Variants in SPATA31C1 observed in about 807,000 individuals in gnomAD.
SPATA31C1 encodes the protein spermatogenesis-associated protein 31C1.
rs548526723 is a variant in SPATA31C1 at position 87,920,415 on chromosome 9, C to G, written n.805C>G. ...CTCCCCGTTAGCTTCCCCGGATCCT[C>G]GAACCAAGCATCCTCAGGATCTGGC... On this transcript the variant is annotated non_coding_transcript_exon_variant, in exon 5 of 5. Coordinates refer to ENST00000420021, the Ensembl canonical transcript of SPATA31C1. 8.7e-6 allele frequency: 14 copies of G among 1,613,964 alleles called. No homozygotes were observed. The African/African-American group carries it at 9.3e-5, about 11-fold the overall frequency.
rs1207082657 is a variant in SPATA31C1 at position 87,921,297 on chromosome 9, G to C, written n.1687G>C. 2 of 1,611,874 alleles carry C rather than the reference G, an allele frequency of 1.2e-6. No homozygotes were observed. The highest frequency in any genetic ancestry group is 2.7e-5 in the African/African-American group (2 of 74,854). Reference sequence around the variant, plus strand: ...CTGGAGACAACTGGAGCAATACATGGGGCAACGTGGAAGGATCCAAGAGTC... The same window carrying C: ...CTGGAGACAACTGGAGCAATACATGCGGCAACGTGGAAGGATCCAAGAGTC... On this transcript the variant is annotated non_coding_transcript_exon_variant, in exon 5 of 5. Transcript: ENST00000420021.
exon 5 of SPATA31C1, chr9:87,920,258 G>A (rs775313165): frequency 1.4e-5 from 23 of 1,613,314 alleles, no homozygotes; most frequent in Admixed American, 3.3e-5. Context: ...GCAGCCTCCT[G>A]GGGCCACACC....
intron 1 of SPATA31C1, among the ~76,000 whole-genome samples, chr9:87,916,780 A>C (rs1192506152): frequency 1.1e-5 from 1 of 91,780 alleles, no homozygotes; most frequent in Non-Finnish European, 3.3e-5. Flanking sequence ...GGCGGATCAC[A>C]AGGTCAGGAG....
chr9:87,922,034 G>A, exon 5 of SPATA31C1: 2 of 1,613,924 alleles, frequency 1.2e-6, no homozygotes, highest in Non-Finnish European at 1.7e-6. Context: ...AAGTTGAGGT[G>A]GCCACGCTCC....
exon 5 of SPATA31C1, chr9:87,921,354 C>T (rs748652180): frequency 3.7e-6 from 6 of 1,611,858 alleles, no homozygotes; most frequent in Non-Finnish European, 4.2e-6. Context: ...GGATGAATTG[C>T]CAGGGACAAG....
chr9:87,915,462 C>A (rs1275947509), intron 1 of SPATA31C1, among the ~76,000 whole-genome samples: 6 of 145,124 alleles, frequency 4.1e-5, no homozygotes, highest in African/African-American at 1.5e-4. Flanking sequence ...CGCCACCACG[C>A]CTGGCTAATT....
In SPATA31C1 at chr9:87,922,695, G is replaced by A. The variant is rs534677490; in HGVS notation, n.3085G>A. 20 of 1,607,550 alleles carry A rather than the reference G, an allele frequency of 1.2e-5. No individual in the cohort carries two copies. In the African/African-American group the frequency reaches 2.4e-4, roughly 19 times the overall value. On this transcript the variant is annotated non_coding_transcript_exon_variant, in exon 5 of 5. Coordinates refer to ENST00000420021, the Ensembl canonical transcript of SPATA31C1. ...CCAGGAGCTATGTGACCTCATGTCA[G>A]CCAGAAGGAGTAACATGGGGCACAA... is the stretch of plus-strand genomic sequence containing the variant.
chr9:87,923,105 A>T (rs369542775), exon 5 of SPATA31C1: 89 of 1,603,112 alleles, frequency 5.6e-5, no homozygotes, highest in Non-Finnish European at 7.1e-5. Context: ...CAGCAGTTGG[A>T]CAGATACCGG....
At chr9:87,923,027 G>A in exon 5 of SPATA31C1, 1 of 1,594,152 alleles carries the variant, frequency 6.3e-7, no homozygotes, top group Non-Finnish European at 8.5e-7. Context: ...TCACTGCTGA[G>A]AGCCAAAAAA....
At chr9:87,922,617 C>T in exon 5 of SPATA31C1, 1 of 1,609,026 alleles carries the variant, frequency 6.2e-7, no homozygotes, top group Non-Finnish European at 8.5e-7. Flanking sequence ...TTTGGCTTCT[C>T]AAGTGCCCCA....
intron 2 of SPATA31C1, 147 bp from the exon 2 acceptor site, chr9:87,919,108 C>G: frequency 8.0e-7 from 1 of 1,254,706 alleles, no homozygotes; most frequent in Non-Finnish European, 1.1e-6. Flanking sequence ...GTTTATCATC[C>G]ATTTAAACAT....
At chr9:87,920,457 G>A (rs568708324) in exon 5 of SPATA31C1, 1 of 1,613,902 alleles carries the variant, frequency 6.2e-7, no homozygotes, top group African/African-American at 1.3e-5. Context: ...CCCACCACCA[G>A]GCCCAATGAC....
At chr9:87,919,649 CCTCT>C (rs1189879149) in intron 3 of SPATA31C1, among the ~76,000 whole-genome samples, 10 of 84,880 alleles carry the variant, frequency 1.2e-4, no homozygotes, top group African/African-American at 3.5e-4. Flanking sequence ...AAGGCTGATT[CCTCT>C]CTGAGACCAC....
exon 5 of SPATA31C1, chr9:87,923,229 T>C (rs1414737037): frequency 2.5e-6 from 4 of 1,603,202 alleles, no homozygotes; most frequent in Non-Finnish European, 3.4e-6. Flanking sequence ...CCCGTTCTAC[T>C]CAGACCACAG....
exon 5 of SPATA31C1, chr9:87,922,142 G>A (rs1828891632): frequency 3.1e-6 from 5 of 1,613,532 alleles, no homozygotes; most frequent in South Asian, 1.1e-5. Flanking sequence ...CTGCATGTAA[G>A]CAGTTCCAGA....
exon 5 of SPATA31C1, chr9:87,921,269 A>G: frequency 6.2e-7 from 1 of 1,611,956 alleles, no homozygotes; most frequent in South Asian, 1.1e-5. Context: ...TCAGTCCTGA[A>G]CTCTGGAGAC....
chr9:87,920,125 T>A, intron 4 of SPATA31C1, 127 bp from the exon 4 acceptor site: 2 of 1,600,456 alleles, frequency 1.2e-6, no homozygotes, highest in Non-Finnish European at 1.7e-6. Context: ...GCAGGAGAAT[T>A]GGGTGGTCAG....
chr9:87,920,550 C>T, exon 5 of SPATA31C1: 1 of 1,613,800 alleles, frequency 6.2e-7, no homozygotes, highest in Non-Finnish European at 8.5e-7. Context: ...GCCACCTGCA[C>T]TTTTCCCTCA....
At chr9:87,919,383 G>C (rs1435929089) in intron 3 of SPATA31C1, 35 bp downstream of exon 2, 1 of 1,600,284 alleles carries the variant, frequency 6.2e-7, no homozygotes, top group East Asian at 2.3e-5. Context: ...GAGTTAATTT[G>C]ATCTCATCTG....
Sources: allele counts gnomAD v4.1 joint callset (sites outside exome capture counted in the v4.1 genomes callset), GRCh38; gene constraint gnomAD v4.1.1; transcripts MANE v1.5; gene names NCBI Gene and HGNC (gene_info 2026-07-23, HGNC 2026-07-21).